TNFRSF8: variants seen among roughly 807,000 people sequenced by gnomAD.
TNFRSF8 encodes TNF receptor superfamily member 8, also known as tumor necrosis factor receptor superfamily member 8.
In TNFRSF8, 26 loss-of-function variants were observed where a neutral mutation model predicts 70.8. The ratio of observed to expected loss-of-function variants is 0.37; its 90% CI spans 0.27 to 0.51. The LOEUF is 0.51. TNFRSF8 is among the 20% of genes least tolerant of loss of function. The probability of loss-of-function intolerance (pLI) is 0.94; values close to 1 mark genes in which losing one functional copy is unlikely to be tolerated. For missense variants in TNFRSF8, 720 were observed against 807.9 expected, an observed-to-expected ratio of 0.89 and a Z score of 1.32; for synonymous variants, 356 against 339.2, an observed-to-expected ratio of 1.05 and a Z score of -0.54.
At chr1:12,117,605 A>G (rs1309698710) in intron 8 of TNFRSF8, among the ~76,000 whole-genome samples, 2 of 152,194 alleles carry the variant, frequency 1.3e-5, no homozygotes, top group Non-Finnish European at 2.9e-5. Flanking sequence ...TACTCAGGGA[A>G]GAGACCCATT....
rs372342597 is a variant in TNFRSF8, at chr1:12,097,097, C to G, written c.152-4C>G. The G allele has an allele frequency of 2.5e-5, 41 of 1,612,734 alleles. No homozygotes were observed. Among genetic ancestry groups the G allele is most frequent in the Non-Finnish European group, 3.4e-5 (40 of 1,179,170 alleles). Reference sequence around the variant, plus strand: ...GCTTGGAGCTTCTCTGTTTCTTTTCCCAGGGCTGTTCCCGACACAGCAGTG... The same window carrying G: ...GCTTGGAGCTTCTCTGTTTCTTTTCGCAGGGCTGTTCCCGACACAGCAGTG... On this transcript the variant is annotated splice_region_variant and splice_polypyrimidine_tract_variant and intron_variant, in intron 2 of 14. Transcript: ENST00000263932.
intron 2 of TNFRSF8, among the ~76,000 whole-genome samples, chr1:12,093,032 C>T (rs1050516679): frequency 6.6e-6 from 1 of 152,040 alleles, no homozygotes; most frequent in East Asian, 1.9e-4. Context: ...TCTTGAACTC[C>T]TGACCTCAGG....
At chr1:12,121,049 G>C (rs1398764249) in intron 8 of TNFRSF8, among the ~76,000 whole-genome samples, 1 of 152,158 alleles carries the variant, frequency 6.6e-6, no homozygotes, top group East Asian at 1.9e-4. Flanking sequence ...ATGCTGACTG[G>C]GAATAGCCAC....
chr1:12,142,768 CAAGG>C lies in TNFRSF8; in HGVS notation c.*238_*241del. 1 of 542,496 alleles carries C rather than the reference CAAGG, an allele frequency of 1.8e-6. No individual in the cohort carries two copies. Among genetic ancestry groups the C allele is most frequent in the Non-Finnish European group, 3.2e-6 (1 of 308,786 alleles). 33.6% of individuals were successfully genotyped at this position (542,496 alleles called of 1,614,324 possible). The stretch of plus-strand genomic sequence containing the variant: ...CGGGGCTTGTACAGAAGAGACAGTC[CAAGG>C]GGACTGGATCCCAGCAGTGATGTTG... On this transcript the variant is annotated 3_prime_UTR_variant, in exon 15 of 15. Transcript: ENST00000263932. This position sits in a 1 kb window ranked among gnomAD's most constrained non-coding sequence, Gnocchi z 5.0.
intron 8 of TNFRSF8, among the ~76,000 whole-genome samples, chr1:12,116,476 G>A (rs976793670): frequency 2.0e-5 from 3 of 152,124 alleles, no homozygotes; most frequent in African/African-American, 7.2e-5. Flanking sequence ...ATCTCCAGGT[G>A]GTTTAAAACA....
chr1:12,069,310 C>T (rs893893748), intron 1 of TNFRSF8, among the ~76,000 whole-genome samples: 3 of 150,708 alleles, frequency 2.0e-5, no homozygotes, highest in Middle Eastern at 3.4e-3. Context: ...TCCCAAGTAG[C>T]TGGGATTACA....
intron 10 of TNFRSF8, among the ~76,000 whole-genome samples, chr1:12,125,367 G>A (rs2101029002): frequency 6.6e-6 from 1 of 152,256 alleles, no homozygotes; most frequent in South Asian, 2.1e-4. Context: ...GGGTGACCTT[G>A]GGCAACTTAA....
At chr1:12,079,050 G>T (rs1363583184) in intron 1 of TNFRSF8, among the ~76,000 whole-genome samples, 1 of 152,150 alleles carries the variant, frequency 6.6e-6, no homozygotes, top group African/African-American at 2.4e-5. Context: ...TGCTTACCTC[G>T]CTGGCCCTGC....
intron 6 of TNFRSF8, among the ~76,000 whole-genome samples, chr1:12,111,471 C>A (rs979307719): frequency 6.6e-6 from 1 of 152,114 alleles, no homozygotes. Context: ...CGTGAGCCAC[C>A]GCGCCCGGCC....
intron 12 of TNFRSF8, among the ~76,000 whole-genome samples, chr1:12,127,067 C>T (rs1486007519): frequency 6.6e-6 from 1 of 152,216 alleles, no homozygotes; most frequent in Admixed American, 6.5e-5. Context: ...CCTGTCCAGG[C>T]AGGGTCGTCT....
chr1:12,099,156 T>C (rs774126748), intron 3 of TNFRSF8, among the ~76,000 whole-genome samples: 1 of 152,014 alleles, frequency 6.6e-6, no homozygotes, highest in Non-Finnish European at 1.5e-5. Context: ...TTTGTTTTCT[T>C]TTTTTTCTTT....
intron 3 of TNFRSF8, among the ~76,000 whole-genome samples, 192 bp from the exon 4 acceptor site, chr1:12,104,186 TA>T (rs763481117): frequency 6.6e-6 from 1 of 152,248 alleles, no homozygotes; most frequent in Admixed American, 6.5e-5. Flanking sequence ...GTCTTTTTTT[TA>T]TTTTTTTGCA....
chr1:12,098,758 C>T (rs747629169), intron 3 of TNFRSF8, among the ~76,000 whole-genome samples: 7 of 152,112 alleles, frequency 4.6e-5, no homozygotes, highest in Non-Finnish European at 1.0e-4. Flanking sequence ...AATCTACTAT[C>T]TCTTGCAGTA....
At chr1:12,094,600 A>G (rs945249508) in intron 2 of TNFRSF8, among the ~76,000 whole-genome samples, 1 of 149,452 alleles carries the variant, frequency 6.7e-6, no homozygotes, top group African/African-American at 2.5e-5. Context: ...AAAGAGTGAC[A>G]GCCATGAAGC....
intron 10 of TNFRSF8, among the ~76,000 whole-genome samples, chr1:12,124,829 CAAACAAAACAAAACAAAACA>C (rs201195847): frequency 5.8e-4 from 84 of 146,032 alleles, no homozygotes; most frequent in South Asian, 8.8e-4. Flanking sequence ...GAATCAGTCT[CAAACAAAACAAAACAAAACA>C]AAACAAAACA....
chr1:12,075,564 C>G (rs1164391644), intron 1 of TNFRSF8, among the ~76,000 whole-genome samples: 1 of 152,186 alleles, frequency 6.6e-6, no homozygotes, highest in African/African-American at 2.4e-5. Context: ...CCTGGATAAT[C>G]CAGAAGAATC....
intron 2 of TNFRSF8, among the ~76,000 whole-genome samples, chr1:12,093,182 T>C (rs914158336): frequency 2.6e-5 from 4 of 152,186 alleles, no homozygotes; most frequent in Admixed American, 2.6e-4. Context: ...CTGGATTGCC[T>C]CTTCAGAGCC....
chr1:12,118,338 T>C (rs1292430124), intron 8 of TNFRSF8, among the ~76,000 whole-genome samples: 1 of 152,138 alleles, frequency 6.6e-6, no homozygotes, highest in Non-Finnish European at 1.5e-5. Flanking sequence ...CTCGAACTCC[T>C]GACCCCAGGT....
In TNFRSF8 at chr1:12,077,215, C is replaced by T. The variant is rs181864500; in HGVS notation, c.64-7249C>T. Among the ~76,000 whole-genome samples the T allele has an allele frequency of 1.7e-3, 261 of 152,302 alleles. 2 individuals carry two copies. Among genetic ancestry groups the T allele is most frequent in the Middle Eastern group, 3.4e-3 (1 of 294 alleles). On this transcript the variant is annotated intron_variant, in intron 1 of 14. Transcript: ENST00000263932. ...CTGGGATTATAAGTGCGAGCCACTT[C>T]GCCTGGCCAAATGTCCACACATTCT...
Sources: allele counts gnomAD v4.1 joint callset (sites outside exome capture counted in the v4.1 genomes callset), GRCh38; gene constraint gnomAD v4.1.1; non-coding constraint Gnocchi (gnomAD v3.1); transcripts MANE v1.5; gene names NCBI Gene and HGNC (gene_info 2026-07-23, HGNC 2026-07-21).